SDK1: variants seen among roughly 807,000 people sequenced by gnomAD.
SDK1 encodes protein sidekick-1.
A neutral mutation model predicts 245.5 loss-of-function variants in SDK1; 157 were observed. The ratio of observed to expected loss-of-function variants is 0.64; its 90% CI spans 0.56 to 0.73. The LOEUF (loss-of-function observed/expected upper bound fraction) is 0.73. SDK1 is among the 30% of genes least tolerant of loss of function. The probability of loss-of-function intolerance (pLI) is 0.00; values close to 1 mark genes in which losing one functional copy is unlikely to be tolerated. For synonymous variants in SDK1, 1,647 were observed against 1,278.5 expected (o/e 1.29, Z -6.15); for missense variants, 3,583 against 3,002.3 (o/e 1.19, Z -4.52).
intron 28 of SDK1, among the ~76,000 whole-genome samples, chr7:4,142,980 C>T (rs560543079): frequency 1.3e-5 from 2 of 152,276 alleles, no homozygotes; most frequent in Admixed American, 6.5e-5. Context: ...CTCCCAGCCC[C>T]GAGGAAGCAG....
At chr7:3,695,829 C>T (rs1051604958) in intron 4 of SDK1, among the ~76,000 whole-genome samples, 1 of 152,188 alleles carries the variant, frequency 6.6e-6, no homozygotes, top group African/African-American at 2.4e-5. Context: ...GGAAGACCAG[C>T]AGTGTAATCA....
At chr7:3,656,445 G>A (rs1256477928) in intron 4 of SDK1, among the ~76,000 whole-genome samples, 1 of 152,130 alleles carries the variant, frequency 6.6e-6, no homozygotes, top group Non-Finnish European at 1.5e-5. Flanking sequence ...TTTTCTTCTG[G>A]AAGTCACTCC....
At chr7:3,970,359 C>T (rs1285673428) in intron 11 of SDK1, among the ~76,000 whole-genome samples, 2 of 152,134 alleles carry the variant, frequency 1.3e-5, no homozygotes, top group Non-Finnish European at 2.9e-5. Flanking sequence ...AATGATCATG[C>T]GTTTAAAGGA....
chr7:4,242,064 A>C, intron 43 of SDK1, 151 bp downstream of exon 43: 1 of 863,208 alleles, frequency 1.2e-6, no homozygotes, highest in East Asian at 2.6e-5. Context: ...CCAAACCACC[A>C]GGGGCAGCCC....
intron 1 of SDK1, among the ~76,000 whole-genome samples, chr7:3,505,281 C>G (rs958641723): frequency 1.1e-4 from 16 of 152,156 alleles, no homozygotes; most frequent in Non-Finnish European, 1.5e-4. Context: ...GGGTTTCACT[C>G]TGTCACCCAG....
At chr7:4,176,932 G>A (rs1214609792) in intron 34 of SDK1, among the ~76,000 whole-genome samples, 1 of 152,202 alleles carries the variant, frequency 6.6e-6, no homozygotes, top group African/African-American at 2.4e-5. Context: ...CCCAGCTAGG[G>A]AGGAGTTTCA....
At chr7:3,556,816 T>A (rs919211911) in intron 1 of SDK1, among the ~76,000 whole-genome samples, 2 of 151,902 alleles carry the variant, frequency 1.3e-5, no homozygotes, top group Non-Finnish European at 2.9e-5. Flanking sequence ...AAAAATAAAA[T>A]AACTAGAAGA....
intron 5 of SDK1, among the ~76,000 whole-genome samples, chr7:3,832,748 C>G (rs1377157361): frequency 6.6e-5 from 10 of 152,172 alleles, no homozygotes; most frequent in African/African-American, 1.7e-4. Context: ...GCAATAGTCT[C>G]TCTCTCTGAT....
Position 3,301,533 on chromosome 7 carries a change from C to T in SDK1, c.-54C>T, listed in dbSNP as rs1284086667. ...CCGCGCCCGCTCGGAGCCGTCCCGC[C>T]TGTCCTGCCCGCCCGTCCGTCCGGC... On this transcript the variant is annotated 5_prime_UTR_variant, in exon 1 of 45. Coordinates refer to ENST00000404826, the MANE Select transcript of SDK1 (RefSeq NM_152744.4). 110 of 658,764 alleles carry T rather than the reference C, an allele frequency of 1.7e-4. No homozygotes were observed. Among genetic ancestry groups the T allele is most frequent in the Non-Finnish European group, 2.0e-4 (107 of 535,196 alleles). The allele number at this position is 658,764 out of a possible 1,614,324, so 40.8% of individuals were successfully genotyped here. A position where few individuals can be genotyped will look rare whatever the true frequency, so the allele number is the denominator to read the frequency against.
chr7:3,518,518 A>C (rs537947095), intron 1 of SDK1, among the ~76,000 whole-genome samples: 1 of 152,108 alleles, frequency 6.6e-6, no homozygotes, highest in Admixed American at 6.6e-5. Context: ...AAAATGAGCA[A>C]ATGATCTGAA....
intron 5 of SDK1, among the ~76,000 whole-genome samples, chr7:3,923,232 G>A (rs938791764): frequency 6.6e-6 from 1 of 151,956 alleles, no homozygotes; most frequent in South Asian, 2.1e-4. Flanking sequence ...TTTCATAAGG[G>A]TGATATTTCT....
At chr7:3,585,073 G>A (rs531293437) in intron 1 of SDK1, among the ~76,000 whole-genome samples, 28 of 152,112 alleles carry the variant, frequency 1.8e-4, no homozygotes, top group African/African-American at 6.7e-4. Context: ...CTTGCTTCCT[G>A]TGCCTGTTTC....
chr7:3,302,598 C>T (rs909064250), intron 1 of SDK1: 2 of 152,064 alleles, frequency 1.3e-5, no homozygotes, highest in African/African-American at 2.4e-5. Flanking sequence ...CTTCCCAAAT[C>T]TGGGCTTCCC....
chr7:3,711,921 G>A (rs551858521), intron 4 of SDK1, among the ~76,000 whole-genome samples: 9 of 152,256 alleles, frequency 5.9e-5, no homozygotes, highest in East Asian at 1.9e-4. Context: ...TTTCCTGTGC[G>A]GGCAAGTTAC....
intron 4 of SDK1, among the ~76,000 whole-genome samples, chr7:3,680,383 CTG>C (rs947169469): frequency 7.9e-5 from 12 of 152,066 alleles, no homozygotes; most frequent in Non-Finnish European, 1.6e-4. Flanking sequence ...GTAGGACAGT[CTG>C]TGTGTTGATT....
At chr7:3,756,418 C>G (rs1330948053) in intron 4 of SDK1, among the ~76,000 whole-genome samples, 3 of 151,020 alleles carry the variant, frequency 2.0e-5, no homozygotes, top group African/African-American at 7.3e-5. Context: ...ATGTTTTGAA[C>G]CTGACTCCTT....
intron 1 of SDK1, among the ~76,000 whole-genome samples, chr7:3,503,909 T>C (rs1782301752): frequency 3.3e-5 from 5 of 151,988 alleles, no homozygotes; most frequent in Non-Finnish European, 7.4e-5. Context: ...CCTAGCACTT[T>C]GGGAGGCCGA....
chr7:3,967,782 G>A (rs1424982175), intron 10 of SDK1, among the ~76,000 whole-genome samples: 1 of 152,212 alleles, frequency 6.6e-6, no homozygotes, highest in Non-Finnish European at 1.5e-5. Flanking sequence ...CGAGCTGACA[G>A]GAGGGGGAGC....
intron 5 of SDK1, among the ~76,000 whole-genome samples, chr7:3,897,217 C>T (rs1355115471): frequency 6.6e-6 from 1 of 152,190 alleles, no homozygotes; most frequent in East Asian, 1.9e-4. Context: ...TAAAATTTAG[C>T]ATCTTCTCCA....
Sources: allele counts gnomAD v4.1 joint callset (sites outside exome capture counted in the v4.1 genomes callset), GRCh38; gene constraint gnomAD v4.1.1; transcripts MANE v1.5; gene names NCBI Gene and HGNC (gene_info 2026-07-23, HGNC 2026-07-21).